RGS7: variants seen among roughly 807,000 people sequenced by gnomAD.
RGS7 encodes regulator of G protein signaling 7.
A neutral mutation model predicts 81.1 loss-of-function variants in RGS7; 27 were observed. The ratio of observed to expected loss-of-function variants is 0.33; its 90% CI spans 0.25 to 0.46. The LOEUF (loss-of-function observed/expected upper bound fraction) is 0.46, where lower values mean the gene tolerates loss of function less well. Among genes scored for constraint, RGS7 ranks in the 20% least tolerant of loss-of-function variants. The pLI is 1.00. For synonymous variants in RGS7, 208 were observed against 207.7 expected, an observed-to-expected ratio of 1.00 and a Z score of -0.01; for missense variants, 396 against 607.4, an observed-to-expected ratio of 0.65 and a Z score of 3.66.
At chr1:240,908,915 G>A (rs893755123) in intron 6 of RGS7, among the ~76,000 whole-genome samples, 2 of 152,134 alleles carry the variant, frequency 1.3e-5, no homozygotes, top group African/African-American at 4.8e-5. Flanking sequence ...CAGGTTGCAG[G>A]GAAACAACAT....
chr1:241,016,885 T>G (rs2059275142), intron 3 of RGS7, among the ~76,000 whole-genome samples: 1 of 152,190 alleles, frequency 6.6e-6, no homozygotes, highest in Non-Finnish European at 1.5e-5. Context: ...TTCTACTCAT[T>G]GCATTTGTTG....
intron 6 of RGS7, among the ~76,000 whole-genome samples, chr1:240,877,096 C>A (rs1572546989): frequency 6.6e-6 from 1 of 151,836 alleles, no homozygotes; most frequent in African/African-American, 2.4e-5. Context: ...AAGGAAATTG[C>A]AAGAAAATCA....
chr1:241,128,316 G>C (rs1307191933), intron 2 of RGS7, among the ~76,000 whole-genome samples: 1 of 149,664 alleles, frequency 6.7e-6, no homozygotes, highest in Non-Finnish European at 1.5e-5. Flanking sequence ...AGGTGCGGTG[G>C]CTCACGCTTG....
At chr1:241,032,131 C>T (rs2060112213) in intron 3 of RGS7, among the ~76,000 whole-genome samples, 2 of 152,216 alleles carry the variant, frequency 1.3e-5, no homozygotes, top group South Asian at 4.1e-4. Flanking sequence ...AGTCTTTAAT[C>T]TATCTTGAAG....
chr1:240,865,650 T>A (rs1237840904), intron 9 of RGS7, among the ~76,000 whole-genome samples: 1 of 152,216 alleles, frequency 6.6e-6, no homozygotes, highest in African/African-American at 2.4e-5. Flanking sequence ...AACTCTGGGA[T>A]ATAGGATTTA....
chr1:240,915,302 C>A (rs1672417557), intron 6 of RGS7, among the ~76,000 whole-genome samples: 1 of 145,644 alleles, frequency 6.9e-6, no homozygotes, highest in African/African-American at 2.6e-5. Context: ...AGAGGAAAAA[C>A]CCCCAAAACC....
At chr1:240,803,378 G>A (rs1196964665) in intron 15 of RGS7, among the ~76,000 whole-genome samples, 2 of 152,132 alleles carry the variant, frequency 1.3e-5, no homozygotes, top group Non-Finnish European at 2.9e-5. Context: ...CTCAGACTGA[G>A]TAATCATCCT....
intron 2 of RGS7, among the ~76,000 whole-genome samples, chr1:241,111,470 T>G (rs2065506754): frequency 6.6e-6 from 1 of 152,186 alleles, no homozygotes; most frequent in African/African-American, 2.4e-5. Context: ...TCTGCCCCGC[T>G]TGATATTTGT....
intron 3 of RGS7, among the ~76,000 whole-genome samples, chr1:241,096,606 T>G (rs543993174): frequency 2.0e-4 from 31 of 152,302 alleles, no homozygotes; most frequent in African/African-American, 7.5e-4. Flanking sequence ...ATTAAAACAA[T>G]TATTAGAGAT....
chr1:241,097,802 C>T (rs939750033), intron 3 of RGS7, among the ~76,000 whole-genome samples: 2 of 152,132 alleles, frequency 1.3e-5, no homozygotes, highest in African/African-American at 4.8e-5. Flanking sequence ...CAGTCATTGC[C>T]AATCAAACCC....
intron 2 of RGS7, among the ~76,000 whole-genome samples, chr1:241,348,169 C>A (rs948094530): frequency 1.7e-4 from 26 of 152,314 alleles, no homozygotes; most frequent in African/African-American, 6.3e-4. Context: ...CCTCACGTGG[C>A]TAGTGGCTAC....
intron 5 of RGS7, among the ~76,000 whole-genome samples, chr1:240,932,471 G>A (rs1431073358): frequency 2.0e-5 from 3 of 150,460 alleles, no homozygotes; most frequent in Non-Finnish European, 4.4e-5. Flanking sequence ...ATAGCCCTAG[G>A]GGGACAAAGT....
intron 3 of RGS7, among the ~76,000 whole-genome samples, chr1:241,064,166 A>G (rs1004530613): frequency 1.3e-5 from 2 of 148,886 alleles, no homozygotes; most frequent in Non-Finnish European, 3.0e-5. Context: ...CTGGGCAACA[A>G]GAGTGAAACT....
In RGS7 at chr1:241,141,349, G is replaced by A. The variant is rs1230660951; in HGVS notation, c.79-42587C>T. Among the ~76,000 whole-genome samples, 5 of 152,190 alleles carry A rather than the reference G, an allele frequency of 3.3e-5. No individual in the cohort carries two copies. In the East Asian group the frequency reaches 9.6e-4, roughly 29 times the overall value. On this transcript the variant is annotated intron_variant, in intron 2 of 18. Transcript: ENST00000440928. Reference sequence around the variant, plus strand: ...CTGGGAATCCCCACGTGCTGTAACTGTCACAAATGCCACACTCAAATGCAG... The same window carrying A: ...CTGGGAATCCCCACGTGCTGTAACTATCACAAATGCCACACTCAAATGCAG...
chr1:241,019,184 T>A (rs2059419410), intron 3 of RGS7, among the ~76,000 whole-genome samples: 2 of 152,162 alleles, frequency 1.3e-5, no homozygotes, highest in African/African-American at 4.8e-5. Flanking sequence ...TATTTAAATG[T>A]TCCTGCTAAC....
intron 2 of RGS7, among the ~76,000 whole-genome samples, chr1:241,125,326 C>A (rs2066576246): frequency 6.6e-6 from 1 of 152,118 alleles, no homozygotes; most frequent in Non-Finnish European, 1.5e-5. Flanking sequence ...AAGGGGATAA[C>A]AATGAGAGGG....
chr1:240,920,556 G>A lies in RGS7; in HGVS notation c.385+10161C>T, dbSNP rs1379681193. On this transcript the variant is annotated intron_variant, in intron 6 of 18. Transcript: ENST00000440928. ...ATACTTTGTCAAACCATGAAACTAA[G>A]GTGGCTATGGTGGTTGCAGTAACAG... is the stretch of plus-strand genomic sequence containing the variant. The A allele has an allele frequency of 1.2e-5, 10 of 844,814 alleles. No individual in the cohort carries two copies. The East Asian group carries it at 2.4e-4, about 20-fold the overall frequency. The allele number at this position is 844,814 out of a possible 1,614,324, so 52.3% of individuals were successfully genotyped here.
chr1:241,174,761 AAGG>A (rs147892429), intron 2 of RGS7, among the ~76,000 whole-genome samples: 4,093 of 152,150 alleles, frequency 0.027, 195 homozygotes, highest in African/African-American at 0.094. Flanking sequence ...TTGTGATCAG[AAGG>A]AGTATTTCTA....
At chr1:241,125,057 T>C (rs1161636455) in intron 2 of RGS7, among the ~76,000 whole-genome samples, 1 of 152,190 alleles carries the variant, frequency 6.6e-6, no homozygotes, top group Non-Finnish European at 1.5e-5. Context: ...TGAGCTATAA[T>C]CTAGATGTCA....
Sources: allele counts gnomAD v4.1 joint callset (sites outside exome capture counted in the v4.1 genomes callset), GRCh38; gene constraint gnomAD v4.1.1; transcripts MANE v1.5; gene names NCBI Gene and HGNC (gene_info 2026-07-23, HGNC 2026-07-21).